Variants in CELSR3 observed in about 807,000 individuals in gnomAD.
CELSR3 encodes EGF-like protein 1.
In CELSR3, 73 loss-of-function variants were observed where a neutral mutation model predicts 270.0. That is an observed-to-expected ratio of 0.27 (90% CI 0.22 to 0.33). The LOEUF (loss-of-function observed/expected upper bound fraction) is 0.33, where lower values mean the gene tolerates loss of function less well. CELSR3 is among the 10% of genes least tolerant of loss of function. CELSR3 has a pLI of 1.00. For missense variants in CELSR3, 3,614 were observed against 4,533.8 expected, an observed-to-expected ratio of 0.80 and a Z score of 5.83; for synonymous variants, 1,780 against 1,905.4, an observed-to-expected ratio of 0.93 and a Z score of 1.71.
rs1482448054 is a variant in CELSR3 at position 48,639,536 on chromosome 3, TCTGG to T, written c.9911+134_9911+137del. ...GATTCCTGTCCCCAGCCTGTGGCCC[TCTGG>T]CTGTGCTGAGCCTGGGGTAGCCCAC... On this transcript the variant is annotated intron_variant, in intron 34 of 34. Coordinates refer to ENST00000164024, the MANE Select transcript of CELSR3 (RefSeq NM_001407.3). This position sits in a 1 kb window ranked among gnomAD's most constrained non-coding sequence, Gnocchi z 4.1. 8.5e-7 allele frequency: 1 copy of T among 1,175,562 alleles called. No homozygotes were observed. Among genetic ancestry groups the T allele is most frequent in the East Asian group, 2.4e-5 (1 of 41,464 alleles). The allele number at this position is 1,175,562 out of a possible 1,614,324, so 72.8% of individuals were successfully genotyped here.
At position 48,659,293 on chromosome 3, in the gene CELSR3, C is replaced by G. The variant is rs1234456886; in HGVS notation, c.3342G>C (p.Leu1114=). The G allele has an allele frequency of 6.2e-7, 1 of 1,614,192 alleles. No homozygotes were observed. The highest frequency in any genetic ancestry group is 1.1e-5 in the South Asian group (1 of 91,076). The change falls in exon 1 of 35, where the codon CTG becomes CTC. Residue 1114 remains leucine (L), a synonymous_variant. Transcript: ENST00000164024. The surrounding 1 kb of genome is among the most constrained non-coding windows in gnomAD (Gnocchi z 8.1). ...CTCCAGAGAAGATGTCCATTTGGAACAGCTCAGGGATGTTCCCCTCCACGA... is the reference window on the plus strand; with the variant it reads ...CTCCAGAGAAGATGTCCATTTGGAAGAGCTCAGGGATGTTCCCCTCCACGA... ...YQIVEGNIPE[L]FQMDIFSGEL...
Position 48,640,136 on chromosome 3 carries a change from C to T in CELSR3, c.9449G>A (p.Arg3150Gln), listed in dbSNP as rs146659525. The change falls in exon 34 of 35, where the codon CGA becomes CAA. Residue 3150 changes from arginine to glutamine, a missense_variant. Coordinates refer to ENST00000164024, the MANE Select transcript of CELSR3 (RefSeq NM_001407.3). The surrounding 1 kb of genome is among the most constrained non-coding windows in gnomAD (Gnocchi z 7.5). ...SRDALDLGAP[R>Q]EWLSTLPPPR... ...CGGAGGCAGCGTGCTCAACCACTCTCGAGGTGCCCCTAAGTCGAGCGCATC... is the reference window on the plus strand; with the variant it reads ...CGGAGGCAGCGTGCTCAACCACTCTTGAGGTGCCCCTAAGTCGAGCGCATC... The T allele has an allele frequency of 1.2e-4, 188 of 1,612,354 alleles. No homozygotes were observed. The African/African-American group carries it at 1.7e-3, about 14-fold the overall frequency.
rs750178220 is a variant in CELSR3 at position 48,655,198 on chromosome 3, G to A, written c.4834C>T (p.Arg1612Trp). The A allele has an allele frequency of 2.0e-5, 32 of 1,613,826 alleles. No homozygotes were observed. Among genetic ancestry groups the A allele is most frequent in the African/African-American group, 2.7e-5 (2 of 74,866 alleles). Residue 1612 changes from arginine to tryptophan, a missense_variant, in exon 6 of 35, where the codon CGG becomes TGG. Coordinates refer to ENST00000164024, the MANE Select transcript of CELSR3 (RefSeq NM_001407.3). This position sits in a 1 kb window ranked among gnomAD's most constrained non-coding sequence, Gnocchi z 5.8. ...TGTGCACCCCCTAGGGCATCTGTCC[G>A]GGGCTGAAGACGCAGGCACACCAGT... The part of the protein sequence containing the change: ...TVHLRYYNKP[R>W]TDALGGAQGP...
chr3:48,638,708 G>A (rs908941547), intron 34 of CELSR3, among the ~76,000 whole-genome samples: 1 of 148,378 alleles, frequency 6.7e-6, no homozygotes. Context: ...CAAACAGCCA[G>A]ACCCCAAAGC....
chr3:48,659,213 AC>A lies in CELSR3; in HGVS notation c.3421del (p.Val1141TrpfsTer80). 6.2e-7 allele frequency: 1 copy of A among 1,614,238 alleles called. No homozygotes were observed. The highest frequency in any genetic ancestry group is 8.5e-7 in the Non-Finnish European group (1 of 1,180,048). ...CAAAGGAGCAGATGTGGCCTGCACC[AC>A]AATCACATATTCTTGGCGAGCCTCA... ...DYEARQEYVI[V>X]VQATSAPLVS... On this transcript the variant is annotated frameshift_variant, in exon 1 of 35. Transcript: ENST00000164024. LOFTEE classifies it high-confidence loss of function. The surrounding 1 kb of genome is among the most constrained non-coding windows in gnomAD (Gnocchi z 8.1).
At position 48,660,515 on chromosome 3, in the gene CELSR3, C is replaced by G; in HGVS notation, c.2120G>C (p.Trp707Ser). 6.2e-7 allele frequency: 1 copy of G among 1,614,182 alleles called. No individual in the cohort carries two copies. Among genetic ancestry groups the G allele is most frequent in the Non-Finnish European group, 8.5e-7 (1 of 1,180,036 alleles). Residue 707 changes from tryptophan to serine, a missense_variant, in exon 1 of 35, where the codon TGG (tryptophan) becomes TCG (serine). By Grantham distance (177) the Trp-to-Ser change is radical (BLOSUM62 -3). Coordinates refer to ENST00000164024, the MANE Select transcript of CELSR3 (RefSeq NM_001407.3). The surrounding 1 kb of genome is among the most constrained non-coding windows in gnomAD (Gnocchi z 5.5). ...TPFVINSATG[W>S]VSVSGPLDRE... The stretch of plus-strand genomic sequence containing the variant: ...GTCCAGGGGACCACTCACAGAGACC[C>G]AGCCAGTGGCGCTGTTTATCACAAA...
Position 48,653,601 on chromosome 3 carries a change from T to TG in CELSR3, c.5448+17dup. On this transcript the variant is annotated intron_variant, in intron 9 of 34. Transcript: ENST00000164024. The surrounding 1 kb of genome is among the most constrained non-coding windows in gnomAD (Gnocchi z 6.5). ...AGACTGAGAACTGAGGGTATAGGGG[T>TG]GAGCAGGGTGGACACACCTGGCAAA... 1 of 1,611,402 alleles carries TG rather than the reference T, an allele frequency of 6.2e-7. No individual in the cohort carries two copies. The highest frequency in any genetic ancestry group is 8.5e-7 in the Non-Finnish European group (1 of 1,178,468).
Position 48,658,346 on chromosome 3 carries a change from G to GGA in CELSR3, c.3748+539_3748+540dup, listed in dbSNP as rs2077039302. 6.6e-6 allele frequency among the ~76,000 whole-genome samples: 1 copy of GGA among 152,202 alleles called. No homozygotes were observed. Among genetic ancestry groups the GGA allele is most frequent in the East Asian group, 1.9e-4 (1 of 5,196 alleles). ...CTGAAAGACTGGAGCAGATGGGGCAGGAAAGAGGCAAGTGGACCTCTGGAC... is the reference window on the plus strand; with the variant it reads ...CTGAAAGACTGGAGCAGATGGGGCAGGAGAAAGAGGCAAGTGGACCTCTGGAC... On this transcript the variant is annotated intron_variant, in intron 1 of 34. Coordinates refer to ENST00000164024, the MANE Select transcript of CELSR3 (RefSeq NM_001407.3). The surrounding 1 kb of genome is among the most constrained non-coding windows in gnomAD (Gnocchi z 4.7).
intron 3 of CELSR3, 87 bp downstream of exon 3, chr3:48,656,052 GA>G: frequency 7.5e-7 from 1 of 1,335,784 alleles, no homozygotes; most frequent in South Asian, 1.3e-5. Flanking sequence ...GTCTCATGGG[GA>G]TGCCAGGACG....
rs757844453 is a variant in CELSR3 at position 48,647,916 on chromosome 3, G to C, written c.7054C>G (p.Arg2352Gly). The change falls in exon 20 of 35, where the codon CGA becomes GGA. Residue 2352 changes from arginine (R) to glycine (G), a missense_variant. Coordinates refer to ENST00000164024, the MANE Select transcript of CELSR3 (RefSeq NM_001407.3). ...RYPRYHSNLF[R>G]GQDAWDPHTH... The stretch of plus-strand genomic sequence containing the variant: ...TGAGGATCCCAGGCATCCTGGCCTC[G>C]AAAGAGGTTGCTATGGTAGCGAGGG... The C allele has an allele frequency of 6.2e-7, 1 of 1,612,044 alleles. No individual in the cohort carries two copies. The highest frequency in any genetic ancestry group is 8.5e-7 in the Non-Finnish European group (1 of 1,179,688).
rs897304422 is a variant in CELSR3 at position 48,654,564 on chromosome 3, G to A, written c.4989-112C>T. 3.3e-6 allele frequency: 3 copies of A among 903,328 alleles called. No individual in the cohort carries two copies. The highest frequency in any genetic ancestry group is 5.0e-6 in the Non-Finnish European group (3 of 600,362). The allele number at this position is 903,328 out of a possible 1,614,324, so 56.0% of individuals were successfully genotyped here. ...CCCAGAGGGTAGGGTGATTGAGGGA[G>A]GAAAATAAGGCCGAGCTGTGGAAGG... On this transcript the variant is annotated intron_variant, in intron 6 of 34. Coordinates refer to ENST00000164024, the MANE Select transcript of CELSR3 (RefSeq NM_001407.3). This position sits in a 1 kb window ranked among gnomAD's most constrained non-coding sequence, Gnocchi z 5.4.
chr3:48,650,237 G>C lies in CELSR3; in HGVS notation c.6472+243C>G. The C allele has an allele frequency of 1.6e-6, 1 of 627,752 alleles. No individual in the cohort carries two copies. The highest frequency in any genetic ancestry group is 1.5e-5 in the South Asian group (1 of 66,114). 38.9% of individuals were successfully genotyped at this position (627,752 alleles called of 1,614,324 possible). ...GGGTCTGCAAAAGCTCTGGTAGTGG[G>C]AGGGGGCAGTGCACCTGAGCAAACA... is the stretch of plus-strand genomic sequence containing the variant. On this transcript the variant is annotated intron_variant, in intron 16 of 34. Coordinates refer to ENST00000164024, the MANE Select transcript of CELSR3 (RefSeq NM_001407.3). The surrounding 1 kb of genome is among the most constrained non-coding windows in gnomAD (Gnocchi z 5.1).
Position 48,657,436 on chromosome 3 carries a change from T to C in CELSR3, c.3749-88A>G. The C allele has an allele frequency of 1.5e-6, 2 of 1,362,814 alleles. No homozygotes were observed. The highest frequency in any genetic ancestry group is 1.9e-6 in the Non-Finnish European group (2 of 1,029,986). The allele number at this position is 1,362,814 out of a possible 1,614,324, so 84.4% of individuals were successfully genotyped here. A position where few individuals can be genotyped will look rare whatever the true frequency, so the allele number is the denominator to read the frequency against. ...AAGAGGGCTGGGGCCAGCGATAGCCTAGGCCCCCAGAACCTCTAAGTCAGC... is the reference window on the plus strand; with the variant it reads ...AAGAGGGCTGGGGCCAGCGATAGCCCAGGCCCCCAGAACCTCTAAGTCAGC... On this transcript the variant is annotated intron_variant, in intron 1 of 34. Transcript: ENST00000164024. The surrounding 1 kb of genome is among the most constrained non-coding windows in gnomAD (Gnocchi z 5.4).
rs2047135739 is a variant in CELSR3, at chr3:48,651,369, C to T, written c.6176G>A (p.Cys2059Tyr). The T allele has an allele frequency of 6.2e-7, 1 of 1,613,928 alleles. No individual in the cohort carries two copies. Among genetic ancestry groups the T allele is most frequent in the African/African-American group, 1.3e-5 (1 of 74,936 alleles). ...AGGGGCCAGGCGCACCTTGCAGTGACACTGCCCATTTGTCTTGTTGCAGTT... is the reference window on the plus strand; with the variant it reads ...AGGGGCCAGGCGCACCTTGCAGTGATACTGCCCATTTGTCTTGTTGCAGTT... The part of the protein sequence containing the change: ...DPNCNKTNGQ[C>Y]HCKEFHYRPR... Residue 2059 changes from cysteine (C) to tyrosine (Y), a missense_variant, in exon 14 of 35, where the codon TGT becomes TAT. Cys to Tyr is a radical substitution (Grantham distance 194, BLOSUM62 -2). Transcript: ENST00000164024. This position sits in a 1 kb window ranked among gnomAD's most constrained non-coding sequence, Gnocchi z 7.4.
rs1308713222 is a variant in CELSR3, at chr3:48,652,535, T to C, written c.5653A>G (p.Ser1885Gly). ...SLFQDTMAVG[S>G]ELQGLKVKQL... ...TTTACCTTCAGGCCCTGCAGCTCAC[T>C]CCCCACCGCCATGGTGTCCTGGAGG... The change falls in exon 11 of 35, where the codon AGT becomes GGT. Residue 1885 changes from serine (S) to glycine (G), a missense_variant. Ser to Gly is a moderately conservative substitution (Grantham distance 56, BLOSUM62 0). Transcript: ENST00000164024. The surrounding 1 kb of genome is among the most constrained non-coding windows in gnomAD (Gnocchi z 4.3). The C allele has an allele frequency of 6.2e-7, 1 of 1,611,296 alleles. No individual in the cohort carries two copies. The highest frequency in any genetic ancestry group is 2.2e-5 in the East Asian group (1 of 44,866).
Position 48,653,917 on chromosome 3 carries a change from C to G in CELSR3, c.5239G>C (p.Asp1747His). Reference sequence around the variant, plus strand: ...TTGCCGCCGAAGCCCACAGGGCAGTCGCAGCTGAAGCTGCCCCAGCGCTCC... The same window carrying G: ...TTGCCGCCGAAGCCCACAGGGCAGTGGCAGCTGAAGCTGCCCCAGCGCTCC... ...CSERWGSFSCDCPVGFGGKDC... is the reference protein window; with the variant it reads ...CSERWGSFSCHCPVGFGGKDC... The change falls in exon 8 of 35, where the codon GAC becomes CAC. Residue 1747 changes from aspartate (D) to histidine (H), a missense_variant. Coordinates refer to ENST00000164024, the MANE Select transcript of CELSR3 (RefSeq NM_001407.3). The surrounding 1 kb of genome is among the most constrained non-coding windows in gnomAD (Gnocchi z 6.5). 6.2e-7 allele frequency: 1 copy of G among 1,613,628 alleles called. No individual in the cohort carries two copies. The highest frequency in any genetic ancestry group is 8.5e-7 in the Non-Finnish European group (1 of 1,179,982).
Position 48,655,065 on chromosome 3 carries a change from C to T in CELSR3, c.4967G>A (p.Gly1656Asp), listed in dbSNP as rs1420765819. The change falls in exon 6 of 35, where the codon GGT (glycine) becomes GAT (aspartate). Residue 1656 changes from glycine to aspartate, a missense_variant. Physicochemically the swap from Gly to Asp is moderately conservative, Grantham distance 94. Transcript: ENST00000164024. The surrounding 1 kb of genome is among the most constrained non-coding windows in gnomAD (Gnocchi z 5.8). ...TCACTTCTTGGAGCTTGTTTGCACACCAGCAGCCGCGCATGAGTAGTTGCC... is the reference window on the plus strand; with the variant it reads ...TCACTTCTTGGAGCTTGTTTGCACATCAGCAGCCGCGCATGAGTAGTTGCC... ...EIGNYSCAAA[G>D]VQTSSKKSLD... 6.2e-7 allele frequency: 1 copy of T among 1,613,816 alleles called. No homozygotes were observed. The highest frequency in any genetic ancestry group is 1.7e-5 in the Admixed American group (1 of 59,970).
chr3:48,660,250 G>A lies in CELSR3; in HGVS notation c.2385C>T (p.Gly795=), dbSNP rs554549149. ...TGGCAAAGCGATTCCGGGTGTTGCC[G>A]CCTGTGATCTGGTAGCTGATGGCAC... The part of the protein sequence containing the change: ...ANSAISYQIT[G]GNTRNRFAIS... The change falls in exon 1 of 35, where the codon GGC becomes GGT. Residue 795 remains glycine, a synonymous_variant. Transcript: ENST00000164024. This position sits in a 1 kb window ranked among gnomAD's most constrained non-coding sequence, Gnocchi z 5.5. 37 of 1,614,126 alleles carry A rather than the reference G, an allele frequency of 2.3e-5. 1 individual carries two copies. Among genetic ancestry groups the A allele is most frequent in the African/African-American group, 9.3e-5 (7 of 75,024 alleles).
chr3:48,642,419 G>A lies in CELSR3; in HGVS notation c.8604C>T (p.His2868=). 1 of 1,613,268 alleles carries A rather than the reference G, an allele frequency of 6.2e-7. No homozygotes were observed. Among genetic ancestry groups the A allele is most frequent in the Non-Finnish European group, 8.5e-7 (1 of 1,179,920 alleles). ...TGGGGCCAGCATGAGCCTGGAGGCT[G>A]TGGTCAGTGTGGTCAGCGGCTGAGC... is the stretch of plus-strand genomic sequence containing the variant. ...RHGSAADHTD[H]SLQAHAGPTD... is the part of the protein sequence containing the mutation. Residue 2868 remains histidine, a synonymous_variant, in exon 31 of 35, where the codon CAC becomes CAT. Transcript: ENST00000164024. The surrounding 1 kb of genome is among the most constrained non-coding windows in gnomAD (Gnocchi z 6.1).
Sources: gnomAD v4.1 joint callset for allele counts (sites outside exome capture counted in the v4.1 genomes callset) on GRCh38, gnomAD v4.1.1 for gene constraint, Gnocchi (gnomAD v3.1) non-coding constraint, MANE v1.5 for transcripts, NCBI Gene and HGNC (gene_info 2026-07-23, HGNC 2026-07-21) for gene names.